KAZN: variants seen among roughly 807,000 people sequenced by gnomAD.
The protein encoded by KAZN is kazrin, periplakin interacting protein.
A neutral mutation model predicts 87.4 loss-of-function variants in KAZN; 40 were observed. The observed-to-expected ratio is 0.46, with a 90% CI of 0.36 to 0.60. KAZN has a LOEUF of 0.60. Ranked by LOEUF, KAZN falls within the 20% of genes least tolerant of loss-of-function variation. The pLI is 0.00. For missense variants in KAZN, 898 were observed against 1,073.9 expected, an observed-to-expected ratio of 0.84 and a Z score of 2.29; for synonymous variants, 466 against 458.3, an observed-to-expected ratio of 1.02 and a Z score of -0.22.
At chr1:13,939,398 G>T (rs992104128) in intron 1 of KAZN, among the ~76,000 whole-genome samples, 1 of 152,170 alleles carries the variant, frequency 6.6e-6, no homozygotes, top group African/African-American at 2.4e-5. Flanking sequence ...CTTTGCTAAG[G>T]CATAATAAGA....
At chr1:15,022,288 G>T (rs1453723814) in intron 2 of KAZN, among the ~76,000 whole-genome samples, 1 of 152,198 alleles carries the variant, frequency 6.6e-6, no homozygotes, top group Non-Finnish European at 1.5e-5. Flanking sequence ...GCCCCAGGGT[G>T]CTGCTTCCTT....
intron 1 of KAZN, among the ~76,000 whole-genome samples, chr1:14,075,498 A>G (rs1477386475): frequency 6.6e-6 from 1 of 152,204 alleles, no homozygotes; most frequent in Non-Finnish European, 1.5e-5. Flanking sequence ...CCTTGGGAAC[A>G]TAGAAGCAGT....
intron 2 of KAZN, among the ~76,000 whole-genome samples, chr1:14,514,398 T>A (rs887004673): frequency 4.0e-5 from 1 of 24,718 alleles, no homozygotes; most frequent in African/African-American, 1.8e-4. Flanking sequence ...TATATATATT[T>A]ATATATATAA....
intron 1 of KAZN, among the ~76,000 whole-genome samples, chr1:14,078,420 T>C (rs1046390000): frequency 1.3e-5 from 2 of 152,186 alleles, no homozygotes; most frequent in Admixed American, 1.3e-4. Context: ...AGTTTCCCTA[T>C]CTTAAAAATA....
chr1:14,136,960 G>T (rs933331848), intron 1 of KAZN, among the ~76,000 whole-genome samples: 3 of 152,128 alleles, frequency 2.0e-5, no homozygotes, highest in African/African-American at 7.2e-5. Flanking sequence ...CAACGCCGAG[G>T]GAGAGAAAGA....
At chr1:14,694,955 G>A (rs751472144) in intron 1 of KAZN, among the ~76,000 whole-genome samples, 11 of 152,186 alleles carry the variant, frequency 7.2e-5, no homozygotes, top group Non-Finnish European at 1.2e-4. Context: ...GTCATGGAAG[G>A]CATCTCCAAT....
intron 2 of KAZN, among the ~76,000 whole-genome samples, chr1:14,457,166 T>A (rs114235500): frequency 6.6e-6 from 1 of 152,230 alleles, no homozygotes; most frequent in Non-Finnish European, 1.5e-5. Context: ...AAGTGGTTCA[T>A]GAGGCTTCAC....
intron 2 of KAZN, among the ~76,000 whole-genome samples, chr1:14,458,837 T>A (rs1226437286): frequency 1.3e-5 from 2 of 152,194 alleles, no homozygotes; most frequent in East Asian, 1.9e-4. Flanking sequence ...TTAGGCAAAA[T>A]GATACTTTTT....
At chr1:14,052,809 G>A (rs573354097) in intron 1 of KAZN, among the ~76,000 whole-genome samples, 5 of 152,330 alleles carry the variant, frequency 3.3e-5, no homozygotes, top group Admixed American at 1.3e-4. Flanking sequence ...ATTCCTGTGC[G>A]TATTCTAACA....
chr1:14,548,484 C>A (rs796835015), intron 2 of KAZN, among the ~76,000 whole-genome samples: 9 of 152,298 alleles, frequency 5.9e-5, no homozygotes, highest in African/African-American at 1.9e-4. Flanking sequence ...CAGGCGTGAG[C>A]TACCGTGCCC....
chr1:14,782,402 G>A lies in KAZN; in HGVS notation c.227-178282G>A, dbSNP rs1037217328. Among the ~76,000 whole-genome samples, 4 of 151,710 alleles carry A rather than the reference G, an allele frequency of 2.6e-5. No homozygotes were observed. The South Asian group carries it at 6.3e-4, about 24-fold the overall frequency. On this transcript the variant is annotated intron_variant, in intron 1 of 14. Coordinates refer to ENST00000376030, the MANE Select transcript of KAZN (RefSeq NM_201628.3). ...GTCTCTACTAAAAATACAAAAATTA[G>A]CCCGGCATGGTAGCACGCACCTGTA...
intron 1 of KAZN, chr1:13,893,807 T>A: frequency 3.2e-6 from 5 of 1,543,202 alleles, no homozygotes; most frequent in Non-Finnish European, 4.4e-6. Context: ...AGTGGAGCGT[T>A]ATCCCGGGTC....
rs148319322 is a variant in KAZN at position 14,322,326 on chromosome 1, C to A, written c.249+141734C>A. On this transcript the variant is annotated intron_variant, in intron 2 of 16. Coordinates refer to the KAZN transcript ENST00000636203. ...GAAACAATGACGTGGCATTCTCTAA[C>A]CAGTTGCATTTGCCCACAGAAAATG... 1.6e-3 allele frequency among the ~76,000 whole-genome samples: 251 copies of A among 152,222 alleles called. 4 individuals carry two copies. Among genetic ancestry groups the A allele is most frequent in the East Asian group, 0.012 (64 of 5,178 alleles).
At chr1:14,090,396 T>C (rs138059881) in intron 1 of KAZN, among the ~76,000 whole-genome samples, 1 of 152,270 alleles carries the variant, frequency 6.6e-6, no homozygotes, top group Non-Finnish European at 1.5e-5. Flanking sequence ...TCTCTTTTTT[T>C]CTTCAGTGTC....
chr1:14,483,124 T>C (rs921385760), intron 2 of KAZN, among the ~76,000 whole-genome samples: 9 of 152,144 alleles, frequency 5.9e-5, no homozygotes, highest in Non-Finnish European at 8.8e-5. Flanking sequence ...CCATCCAAGT[T>C]TACACTTCAG....
intron 1 of KAZN, among the ~76,000 whole-genome samples, chr1:13,937,790 C>T (rs890431709): frequency 1.3e-5 from 2 of 152,056 alleles, no homozygotes; most frequent in African/African-American, 4.8e-5. Context: ...GGTGTCTTTC[C>T]TCAGTGTATA....
intron 1 of KAZN, among the ~76,000 whole-genome samples, chr1:14,917,227 G>A (rs371256883): frequency 1.3e-5 from 2 of 152,312 alleles, no homozygotes; most frequent in East Asian, 1.9e-4. Flanking sequence ...CCCACCAAGG[G>A]CAAAGGTCTA....
chr1:14,904,318 A>AAAG (rs1270328892), intron 1 of KAZN, among the ~76,000 whole-genome samples: 1 of 151,650 alleles, frequency 6.6e-6, no homozygotes, highest in African/African-American at 2.4e-5. Flanking sequence ...AGAAAAAAAA[A>AAAG]AAAAAAAAGA....
chr1:15,029,749 G>A (rs1671499879), intron 2 of KAZN, among the ~76,000 whole-genome samples: 1 of 152,224 alleles, frequency 6.6e-6, no homozygotes, highest in African/African-American at 2.4e-5. Context: ...GCAATTCAGA[G>A]CCTAGGCGGG....
Sources: gnomAD v4.1 joint callset for allele counts (sites outside exome capture counted in the v4.1 genomes callset) on GRCh38, gnomAD v4.1.1 for gene constraint, MANE v1.5 for transcripts, NCBI Gene and HGNC (gene_info 2026-07-23, HGNC 2026-07-21) for gene names.